CDH4: variants seen among roughly 807,000 people sequenced by gnomAD.
CDH4 encodes the protein cadherin-4.
Under a neutral mutation model 86.0 loss-of-function variants are expected in CDH4, and 33 were observed. The ratio of observed to expected loss-of-function variants is 0.38; its 90% CI spans 0.29 to 0.51. The LOEUF is 0.51. CDH4 is among the 20% of genes least tolerant of loss of function. CDH4 has a pLI of 0.86. For missense variants in CDH4, 1,114 were observed against 1,307.4 expected (o/e 0.85, Z 2.28); for synonymous variants, 555 against 549.4 (o/e 1.01, Z -0.14).
At chr20:61,781,629 G>T (rs11906011) in intron 4 of CDH4, among the ~76,000 whole-genome samples, 3,833 of 152,258 alleles carry the variant, frequency 0.025, 158 homozygotes, top group African/African-American at 0.086. Context: ...TCAGTGGGGC[G>T]GTGGCCAGTG....
intron 7 of CDH4, among the ~76,000 whole-genome samples, chr20:61,878,518 G>T (rs879257907): frequency 2.0e-5 from 3 of 152,224 alleles, no homozygotes; most frequent in Non-Finnish European, 4.4e-5. Flanking sequence ...TTCCATTAGG[G>T]AAGCTGCCTC....
intron 2 of CDH4, among the ~76,000 whole-genome samples, chr20:61,297,558 C>G (rs563333373): frequency 6.6e-6 from 1 of 152,282 alleles, no homozygotes; most frequent in Non-Finnish European, 1.5e-5. Context: ...GCGTGGCCCA[C>G]TGACAGCCCA....
chr20:61,583,948 C>T (rs1381143672), intron 2 of CDH4, among the ~76,000 whole-genome samples: 2 of 152,156 alleles, frequency 1.3e-5, no homozygotes, highest in African/African-American at 2.4e-5. Context: ...TGCTTGAGGC[C>T]AGGAGTTTGA....
chr20:61,841,356 G>A (rs1201625145), intron 4 of CDH4, among the ~76,000 whole-genome samples: 2 of 152,172 alleles, frequency 1.3e-5, no homozygotes, highest in Non-Finnish European at 2.9e-5. Context: ...TCCCACCCCC[G>A]AGGAACAAGT....
At chr20:61,699,457 A>G (rs6061317) in intron 2 of CDH4, among the ~76,000 whole-genome samples, 2,672 of 152,298 alleles carry the variant, frequency 0.018, 71 homozygotes, top group African/African-American at 0.061. Flanking sequence ...GCCCAGGAGC[A>G]CTGTTCACCG....
intron 2 of CDH4, among the ~76,000 whole-genome samples, chr20:61,661,084 C>CGGGGCG (rs1555821279): frequency 1.3e-5 from 1 of 74,798 alleles, no homozygotes; most frequent in African/African-American, 4.1e-5. Flanking sequence ...GGAGGCATGG[C>CGGGGCG]GGGGGGGGGG....
In CDH4 at chr20:61,811,073, G is replaced by A. The variant is rs1341137633; in HGVS notation, c.577-33595G>A. On this transcript the variant is annotated intron_variant, in intron 4 of 15. Transcript: ENST00000614565. This position sits in a 1 kb window ranked among gnomAD's most constrained non-coding sequence, Gnocchi z 4.4. ...GCTGACTGCCGCATCCTCAGCAGCC[G>A]CGCCACATCCTCAGCAGCCCCGCCA... 5.9e-5 allele frequency among the ~76,000 whole-genome samples: 9 copies of A among 152,092 alleles called. No homozygotes were observed. The highest frequency in any genetic ancestry group is 5.2e-4 in the Admixed American group (8 of 15,268).
chr20:61,836,678 AAGTG>A (rs1266439061), intron 4 of CDH4, among the ~76,000 whole-genome samples: 1 of 152,248 alleles, frequency 6.6e-6, no homozygotes, highest in Admixed American at 6.5e-5. Context: ...GGGGGAAAAC[AAGTG>A]AGAACCCTTA....
At chr20:61,286,751 T>G (rs942759914) in intron 2 of CDH4, among the ~76,000 whole-genome samples, 1 of 152,246 alleles carries the variant, frequency 6.6e-6, no homozygotes, top group East Asian at 1.9e-4. Context: ...AGTTCATTTT[T>G]ACTTATTTAT....
In CDH4 at chr20:61,680,820, G is replaced by T. The variant is rs183244003; in HGVS notation, c.170-62743G>T. Among the ~76,000 whole-genome samples, 948 of 147,936 alleles carry T rather than the reference G, an allele frequency of 6.4e-3. 8 individuals are homozygous for T. The highest frequency in any genetic ancestry group is 0.021 in the African/African-American group (781 of 37,844). On this transcript the variant is annotated intron_variant, in intron 2 of 15. Coordinates refer to ENST00000614565, the MANE Select transcript of CDH4 (RefSeq NM_001794.5). ...TGCCCTGGAACCTCAGCTCTGTCCT[G>T]AGTTCCCCCCTGTGTCTTCTTCTCA...
intron 3 of CDH4, among the ~76,000 whole-genome samples, chr20:61,746,159 G>T (rs1038039309): frequency 1.3e-5 from 2 of 152,066 alleles, no homozygotes; most frequent in Non-Finnish European, 2.9e-5. Flanking sequence ...TCCGGCGTAT[G>T]TCGTTTTCGT....
intron 2 of CDH4, among the ~76,000 whole-genome samples, chr20:61,451,104 T>G (rs1156982996): frequency 2.2e-5 from 3 of 133,646 alleles, no homozygotes; most frequent in African/African-American, 5.7e-5. Context: ...TTTTCTGAGC[T>G]TTTTCCCTCC....
chr20:61,590,666 G>A (rs779658921), intron 2 of CDH4, among the ~76,000 whole-genome samples: 3 of 152,012 alleles, frequency 2.0e-5, no homozygotes, highest in Non-Finnish European at 4.4e-5. Context: ...TCCCAGCCTG[G>A]GGACTTGGGT....
chr20:61,541,084 C>A (rs189274994), intron 2 of CDH4, among the ~76,000 whole-genome samples: 2 of 152,184 alleles, frequency 1.3e-5, no homozygotes, highest in East Asian at 3.9e-4. Context: ...CCCGTGTGCT[C>A]GGAGACTTCC....
At chr20:61,598,739 C>T (rs1341200597) in intron 2 of CDH4, among the ~76,000 whole-genome samples, 1 of 152,330 alleles carries the variant, frequency 6.6e-6, no homozygotes, top group East Asian at 1.9e-4. Flanking sequence ...CTCCACGCGT[C>T]CCAGAGGCCA....
At chr20:61,622,878 A>G (rs1212462123) in intron 2 of CDH4, among the ~76,000 whole-genome samples, 1 of 152,042 alleles carries the variant, frequency 6.6e-6, no homozygotes, top group Non-Finnish European at 1.5e-5. Flanking sequence ...TTTGAGTTAG[A>G]GGGGACCTGA....
At chr20:61,605,564 CCTCT>C (rs113639057) in intron 2 of CDH4, among the ~76,000 whole-genome samples, 7 of 149,954 alleles carry the variant, frequency 4.7e-5, no homozygotes, top group East Asian at 2.0e-4. Flanking sequence ...CCTGTTTCTC[CCTCT>C]CTCTGTCTCT....
chr20:61,731,164 CT>C (rs960919333), intron 2 of CDH4, among the ~76,000 whole-genome samples: 8 of 152,140 alleles, frequency 5.3e-5, no homozygotes, highest in South Asian at 2.1e-4. Context: ...GAGTCCCCCC[CT>C]CAGCCCTCAG....
intron 2 of CDH4, among the ~76,000 whole-genome samples, chr20:61,272,809 A>G (rs2084190307): frequency 7.5e-6 from 1 of 132,826 alleles, no homozygotes; most frequent in Non-Finnish European, 1.6e-5. Flanking sequence ...TACCATGCAC[A>G]TTTTGGGGGA....
Sources: gnomAD v4.1 joint callset for allele counts (sites outside exome capture counted in the v4.1 genomes callset) on GRCh38, gnomAD v4.1.1 for gene constraint, Gnocchi (gnomAD v3.1) non-coding constraint, MANE v1.5 for transcripts, NCBI Gene and HGNC (gene_info 2026-07-23, HGNC 2026-07-21) for gene names.